Variants in EHMT1 observed in about 807,000 individuals in gnomAD.
The protein encoded by EHMT1 is euchromatic histone lysine methyltransferase 1.
EHMT1 carries 15 observed loss-of-function variants against 147.2 expected under a neutral mutation model. That is an observed-to-expected ratio of 0.10 (90% CI 0.07 to 0.16). The LOEUF (loss-of-function observed/expected upper bound fraction) is 0.16. Ranked by LOEUF, EHMT1 falls within the 10% of genes least tolerant of loss-of-function variation. EHMT1 has a pLI of 1.00. For synonymous variants in EHMT1, 795 were observed against 709.6 expected, an observed-to-expected ratio of 1.12 and a Z score of -1.91; for missense variants, 1,587 against 1,772.4, an observed-to-expected ratio of 0.90 and a Z score of 1.88.
At chr9:137,652,586 A>T (rs562395105) in intron 1 of EHMT1, among the ~76,000 whole-genome samples, 1 of 150,288 alleles carries the variant, frequency 6.7e-6, no homozygotes, top group African/African-American at 2.5e-5. Context: ...GGGTTTTGCC[A>T]TGTTAGCTAG....
At chr9:137,774,913 G>A (rs890350597) in intron 10 of EHMT1, among the ~76,000 whole-genome samples, 196 bp from the exon 11 acceptor site, 3 of 152,194 alleles carry the variant, frequency 2.0e-5, no homozygotes, top group African/African-American at 7.2e-5. Context: ...TGGGCTCCCT[G>A]TTTGTCCCCC....
At chr9:137,683,284 A>G (rs118054136) in intron 1 of EHMT1, among the ~76,000 whole-genome samples, 1 of 152,374 alleles carries the variant, frequency 6.6e-6, no homozygotes, top group Non-Finnish European at 1.5e-5. Context: ...GTAAAAGCGG[A>G]TCTGCTATTT....
At chr9:137,771,193 A>G (rs1588623931) in intron 10 of EHMT1, among the ~76,000 whole-genome samples, 2 of 122,546 alleles carry the variant, frequency 1.6e-5, no homozygotes, top group South Asian at 5.2e-4. Flanking sequence ...TCCATCTTCC[A>G]TGTCTTTTTT....
chr9:137,683,935 TTTAA>T (rs1346223364), intron 1 of EHMT1, among the ~76,000 whole-genome samples: 1 of 152,172 alleles, frequency 6.6e-6, no homozygotes. Context: ...GATCTTTGCC[TTTAA>T]TTTTTTAGAG....
At chr9:137,629,379 A>T (rs1843471086) in intron 1 of EHMT1, among the ~76,000 whole-genome samples, 1 of 150,482 alleles carries the variant, frequency 6.6e-6, no homozygotes, top group Non-Finnish European at 1.5e-5. Context: ...GGCGTGAGCC[A>T]CCACACCTGG....
At chr9:137,771,810 G>T (rs1950604175) in intron 10 of EHMT1, among the ~76,000 whole-genome samples, 1 of 152,208 alleles carries the variant, frequency 6.6e-6, no homozygotes, top group South Asian at 2.1e-4. Flanking sequence ...GGCCCCATCG[G>T]CAGACCTGAG....
At chr9:137,653,765 C>A (rs1050494133) in intron 1 of EHMT1, among the ~76,000 whole-genome samples, 2 of 152,162 alleles carry the variant, frequency 1.3e-5, no homozygotes, top group African/African-American at 4.8e-5. Context: ...CGACCCTGAT[C>A]CGCCTGCCTC....
intron 6 of EHMT1, among the ~76,000 whole-genome samples, chr9:137,749,064 C>G (rs1197153939): frequency 6.6e-6 from 1 of 152,112 alleles, no homozygotes; most frequent in Non-Finnish European, 1.5e-5. Flanking sequence ...TTGTGTCCTG[C>G]TGGGTGGGGG....
rs1276686328 is a variant in EHMT1, at chr9:137,775,417, CT to C, written c.1791+166del. Reference sequence around the variant, plus strand: ...AGTGTTCACAAGCCCCTCACCACCCCTGTCGAGCCCCAGTGCCTTAGACACC... The same window carrying C: ...AGTGTTCACAAGCCCCTCACCACCCCGTCGAGCCCCAGTGCCTTAGACACC... On this transcript the variant is annotated intron_variant, in intron 11 of 26. Transcript: ENST00000460843. The surrounding 1 kb of genome is among the most constrained non-coding windows in gnomAD (Gnocchi z 6.1). 6.6e-6 allele frequency among the ~76,000 whole-genome samples: 1 copy of C among 151,642 alleles called. No individual in the cohort carries two copies. The highest frequency in any genetic ancestry group is 1.5e-5 in the Non-Finnish European group (1 of 67,812).
intron 1 of EHMT1, among the ~76,000 whole-genome samples, chr9:137,672,243 C>A (rs185747456): frequency 1.3e-5 from 2 of 152,300 alleles, no homozygotes; most frequent in East Asian, 3.9e-4. Flanking sequence ...ACTTCATTTT[C>A]ATAAAGTGTT....
chr9:137,816,739 G>A (rs11789551), intron 23 of EHMT1: 85,027 of 161,686 alleles, frequency 0.53, 24,696 homozygotes, highest in East Asian at 0.9. Context: ...TGACTTTTTT[G>A]TGACCTCGAT....
intron 6 of EHMT1, among the ~76,000 whole-genome samples, chr9:137,751,101 CTAT>C (rs1226784160): frequency 1.3e-5 from 2 of 152,084 alleles, no homozygotes; most frequent in South Asian, 2.1e-4. Context: ...CTTACTGTGG[CTAT>C]TATTTTAAAA....
In EHMT1 at chr9:137,834,837, C is replaced by T; in HGVS notation, c.3781C>T (p.Pro1261Ser). ...GKLFSCRCGS[P>S]KCRHSSAALA... The stretch of plus-strand genomic sequence containing the variant: ...GCTCTTCAGCTGCCGCTGCGGCTCC[C>T]CCAAGTGCCGGCACTCGAGCGCGGC... The change falls in exon 27 of 27, where the codon CCC becomes TCC. Residue 1261 changes from proline (P) to serine (S), a missense_variant. Transcript: ENST00000460843. The T allele has an allele frequency of 6.2e-7, 1 of 1,612,610 alleles. No homozygotes were observed. The highest frequency in any genetic ancestry group is 8.5e-7 in the Non-Finnish European group (1 of 1,179,654).
chr9:137,795,328 A>G (rs1189654846), intron 16 of EHMT1: 1 of 152,180 alleles, frequency 6.6e-6, no homozygotes, highest in Non-Finnish European at 1.5e-5. Flanking sequence ...GTGAGCGAAC[A>G]GAGCCTATCC....
intron 4 of EHMT1, among the ~76,000 whole-genome samples, chr9:137,740,198 A>C (rs1368062343): frequency 1.4e-4 from 19 of 134,770 alleles, no homozygotes; most frequent in African/African-American, 2.6e-4. Context: ...GCCCATTTCC[A>C]CTCCTGGCAC....
At chr9:137,763,335 A>T (rs1418243159) in intron 10 of EHMT1, 1 of 201,406 alleles carries the variant, frequency 5.0e-6, no homozygotes. Flanking sequence ...GACGGAATTA[A>T]TGTTTTCTGA....
rs113138915 is a variant in EHMT1 at position 137,813,220 on chromosome 9, G to C, written c.3035+47G>C. The C allele has an allele frequency of 1.3e-6, 2 of 1,597,480 alleles. No individual in the cohort carries two copies. Among genetic ancestry groups the C allele is most frequent in the East Asian group, 4.5e-5 (2 of 44,764 alleles). Reference sequence around the variant, plus strand: ...CTTTGTGGCAAATCAGCGGTCAGCAGGGCTTTGGGAACTTGCGGTGAAAGC... The same window carrying C: ...CTTTGTGGCAAATCAGCGGTCAGCACGGCTTTGGGAACTTGCGGTGAAAGC... On this transcript the variant is annotated intron_variant, in intron 20 of 26. Coordinates refer to ENST00000460843, the MANE Select transcript of EHMT1 (RefSeq NM_024757.5). The surrounding 1 kb of genome is among the most constrained non-coding windows in gnomAD (Gnocchi z 4.9).
At chr9:137,738,487 ACT>A (rs1382463493) in intron 4 of EHMT1, 2 of 151,926 alleles carry the variant, frequency 1.3e-5, no homozygotes, top group Non-Finnish European at 1.5e-5. Flanking sequence ...GCTGTGAAAA[ACT>A]CAAAAAACTA....
At chr9:137,619,574 GCCAGTC>G (rs2133384644) in intron 1 of EHMT1, among the ~76,000 whole-genome samples, 1 of 152,216 alleles carries the variant, frequency 6.6e-6, no homozygotes, top group African/African-American at 2.4e-5. Flanking sequence ...CGAAAAGTTG[GCCAGTC>G]CCGGCGTGTT....
Sources: allele counts gnomAD v4.1 joint callset (sites outside exome capture counted in the v4.1 genomes callset), GRCh38; gene constraint gnomAD v4.1.1; non-coding constraint Gnocchi (gnomAD v3.1); transcripts MANE v1.5; gene names NCBI Gene and HGNC (gene_info 2026-07-23, HGNC 2026-07-21).